Variants in TRMT11 observed in about 807,000 individuals in gnomAD.
TRMT11 encodes tRNA (guanine(10)-N(2))-methyltransferase TRMT11.
In TRMT11, 53 loss-of-function variants were observed where a neutral mutation model predicts 62.8. The ratio of observed to expected loss-of-function variants is 0.84; its 90% CI spans 0.68 to 1.06. TRMT11 has a LOEUF of 1.06. TRMT11 is among the 50% of genes least tolerant of loss of function. TRMT11 has a pLI of 0.00. For missense variants in TRMT11, 556 were observed against 553.4 expected (o/e 1.00, Z -0.05); for synonymous variants, 188 against 190.3 (o/e 0.99, Z 0.10).
intron 12 of TRMT11, among the ~76,000 whole-genome samples, chr6:126,032,472 A>G (rs1774381282): frequency 6.6e-6 from 1 of 152,110 alleles, no homozygotes; most frequent in African/African-American, 2.4e-5. Context: ...TTTTAGTCTC[A>G]GAGTCTTCTC....
intron 17 of TRMT11, among the ~76,000 whole-genome samples, chr6:126,102,355 C>CA (rs1405720101): frequency 6.6e-6 from 1 of 152,040 alleles, no homozygotes; most frequent in African/African-American, 2.4e-5. Flanking sequence ...CAAAACACTT[C>CA]AAAGGACATA....
intron 17 of TRMT11, among the ~76,000 whole-genome samples, chr6:126,093,585 G>GTATATATATATATATATATATATATATA (rs56176946): frequency 4.3e-5 from 2 of 46,688 alleles, no homozygotes; most frequent in Non-Finnish European, 7.5e-5. Context: ...GGATATGTAT[G>GTATATATATATATATATATATATATATA]TATATATATA....
intron 1 of TRMT11, chr6:125,987,035 G>A (rs1789756107): frequency 5.4e-6 from 1 of 185,748 alleles, no homozygotes; most frequent in Non-Finnish European, 1.1e-5. Flanking sequence ...GAGAAGTTGA[G>A]AAGAGTGTTT....
chr6:126,052,080 T>A (rs1011594001), intron 16 of TRMT11, among the ~76,000 whole-genome samples: 1 of 152,206 alleles, frequency 6.6e-6, no homozygotes, highest in Non-Finnish European at 1.5e-5. Context: ...AAGAAATTTA[T>A]ACTAGAATTA....
Position 125,995,953 on chromosome 6 carries a change from G to T in TRMT11, c.139-14G>T. ...GCCACTTAGAATTAAGTTGCATATT[G>T]TTATTTCTTTTAGTCACCATTTTGG... On this transcript the variant is annotated splice_polypyrimidine_tract_variant and intron_variant, in intron 2 of 12. Coordinates refer to ENST00000334379, the MANE Select transcript of TRMT11 (RefSeq NM_001031712.3). 6.4e-7 allele frequency: 1 copy of T among 1,558,464 alleles called. No individual in the cohort carries two copies. The highest frequency in any genetic ancestry group is 8.9e-7 in the Non-Finnish European group (1 of 1,129,678).
chr6:125,998,713 A>G (rs1401490000), intron 6 of TRMT11, 29 bp downstream of exon 6: 2 of 1,600,612 alleles, frequency 1.2e-6, no homozygotes, highest in African/African-American at 2.7e-5. Flanking sequence ...TACCTATGTC[A>G]GTTTGTTTTT....
chr6:126,044,384 T>C (rs1044955920), intron 16 of TRMT11, among the ~76,000 whole-genome samples: 2 of 152,216 alleles, frequency 1.3e-5, no homozygotes, highest in Non-Finnish European at 2.9e-5. Flanking sequence ...GCATTATTTC[T>C]GAGGGCTCTG....
chr6:126,242,401 C>A, the TRMT11 span, among the ~76,000 whole-genome samples: 1 of 152,170 alleles, frequency 6.6e-6, no homozygotes. Context: ...ATCAAGCTAC[C>A]AATGACTTTC....
chr6:126,001,878 A>G (rs1792554845), intron 7 of TRMT11, among the ~76,000 whole-genome samples: 1 of 151,992 alleles, frequency 6.6e-6, no homozygotes, highest in Non-Finnish European at 1.5e-5. Context: ...TTGTTTTTCT[A>G]TTTGTTATTA....
chr6:125,988,744 G>GA (rs1370735777), intron 1 of TRMT11, among the ~76,000 whole-genome samples: 1 of 152,174 alleles, frequency 6.6e-6, no homozygotes, highest in African/African-American at 2.4e-5. Context: ...GAGCAATGCT[G>GA]AAAACCAGCT....
At chr6:126,247,028 A>G in the TRMT11 span, among the ~76,000 whole-genome samples, 1 of 152,174 alleles carries the variant, frequency 6.6e-6, no homozygotes, top group Non-Finnish European at 1.5e-5. Context: ...GCCAACCTGG[A>G]GATAAGACTT....
intron 17 of TRMT11, among the ~76,000 whole-genome samples, chr6:126,055,870 A>G (rs1226527104): frequency 3.2e-4 from 49 of 152,178 alleles, no homozygotes; most frequent in Non-Finnish European, 5.9e-5. Flanking sequence ...TTTGAAATTC[A>G]AAACAGTTCA....
At chr6:125,988,758 G>T (rs1422746268) in intron 1 of TRMT11, among the ~76,000 whole-genome samples, 1 of 152,160 alleles carries the variant, frequency 6.6e-6, no homozygotes, top group African/African-American at 2.4e-5. Flanking sequence ...ACCAGCTGAA[G>T]GTGAAAGTCG....
rs1334373613 is a variant in TRMT11 at position 126,129,001 on chromosome 6, G to A, written c.*1823+13146G>A. ...CCATTGCTTCCAGAGCTTATGAGGA[G>A]CTATAAAAGAGGTCAGGACACCTGG... On this transcript the variant is annotated intron_variant and NMD_transcript_variant, in intron 21 of 22. Coordinates refer to the TRMT11 transcript ENST00000648977. 4.0e-5 allele frequency among the ~76,000 whole-genome samples: 6 copies of A among 150,628 alleles called. No homozygotes were observed. In the East Asian group the frequency reaches 9.8e-4, roughly 25 times the overall value.
At chr6:126,052,553 C>A (rs867574220) in intron 16 of TRMT11, among the ~76,000 whole-genome samples, 1 of 152,084 alleles carries the variant, frequency 6.6e-6, no homozygotes, top group African/African-American at 2.4e-5. Context: ...TTTCCCTCTG[C>A]CCCCCTTTTT....
chr6:126,213,514 A>C, the TRMT11 span, among the ~76,000 whole-genome samples: 2 of 151,998 alleles, frequency 1.3e-5, no homozygotes, highest in Non-Finnish European at 2.9e-5. Flanking sequence ...GCTATTGTAA[A>C]TGGGATTACA....
At chr6:126,269,278 AAAAAAAAAAAT>A in the TRMT11 span, among the ~76,000 whole-genome samples, 1 of 136,010 alleles carries the variant, frequency 7.4e-6, no homozygotes, top group Non-Finnish European at 1.6e-5. Context: ...AAAAAAAAAA[AAAAAAAAAAAT>A]ATGACTGGGT....
chr6:126,142,996 C>T lies in TRMT11; in HGVS notation c.*1823+27141C>T, dbSNP rs183127539. On this transcript the variant is annotated intron_variant and NMD_transcript_variant, in intron 21 of 22. Coordinates refer to the TRMT11 transcript ENST00000648977. ...TATAGAGTGCTAAAGATATATAAGCCATTTCCTTTAAAAGAAAATATTAGT... is the reference window on the plus strand; with the variant it reads ...TATAGAGTGCTAAAGATATATAAGCTATTTCCTTTAAAAGAAAATATTAGT... 4.3e-4 allele frequency among the ~76,000 whole-genome samples: 66 copies of T among 152,072 alleles called. No homozygotes were observed. The East Asian group carries it at 8.5e-3, about 20-fold the overall frequency.
intron 1 of TRMT11, among the ~76,000 whole-genome samples, chr6:126,193,143 T>G (rs1388016798): frequency 6.6e-6 from 1 of 152,176 alleles, no homozygotes; most frequent in Non-Finnish European, 1.5e-5. Context: ...TTCCATTTTC[T>G]TCCTGGTTTA....
Sources: allele counts gnomAD v4.1 joint callset (sites outside exome capture counted in the v4.1 genomes callset), GRCh38; gene constraint gnomAD v4.1.1; transcripts MANE v1.5; gene names NCBI Gene and HGNC (gene_info 2026-07-23, HGNC 2026-07-21).